RAD50: variants seen among roughly 807,000 people sequenced by gnomAD.
The protein encoded by RAD50 is DNA repair protein RAD50.
In RAD50, 132 loss-of-function variants were observed where a neutral mutation model predicts 168.8. That is an observed-to-expected ratio of 0.78 (90% CI 0.68 to 0.90). The LOEUF is 0.90. Among genes scored for constraint, RAD50 ranks in the 40% least tolerant of loss-of-function variants. The pLI, the probability that RAD50 is intolerant of heterozygous loss-of-function variation, is 0.00. For missense variants in RAD50, 1,347 were observed against 1,534.4 expected (o/e 0.88, Z 2.04); for synonymous variants, 525 against 497.4 (o/e 1.06, Z -0.74).
At position 132,643,058 on chromosome 5, in the gene RAD50, A is replaced by G. The variant is rs761117286; in HGVS notation, c.*694A>G. Reference sequence around the variant, plus strand: ...ACAGAGAGGAAATTCTCCACTGTGCACACCCACCTTTGGAAAGCTCTGACC... The same window carrying G: ...ACAGAGAGGAAATTCTCCACTGTGCGCACCCACCTTTGGAAAGCTCTGACC... On this transcript the variant is annotated 3_prime_UTR_variant, in exon 25 of 25. Transcript: ENST00000378823. 1.5e-4 allele frequency: 77 copies of G among 530,020 alleles called. No individual in the cohort carries two copies. Among genetic ancestry groups the G allele is most frequent in the African/African-American group, 1.0e-3 (53 of 52,764 alleles). 32.8% of individuals were successfully genotyped at this position (530,020 alleles called of 1,614,324 possible).
intron 5 of RAD50, among the ~76,000 whole-genome samples, chr5:132,585,728 C>G (rs1750585318): frequency 6.6e-6 from 1 of 151,760 alleles, no homozygotes; most frequent in Non-Finnish European, 1.5e-5. Flanking sequence ...CTCAGTCTCC[C>G]ACGTAGCTGG....
chr5:132,627,044 C>A (rs1022724859), intron 21 of RAD50, among the ~76,000 whole-genome samples: 1 of 152,212 alleles, frequency 6.6e-6, no homozygotes, highest in South Asian at 2.1e-4. Flanking sequence ...CCACACTGGG[C>A]TAATTTTTGT....
chr5:132,640,649 C>T (rs2149865451), intron 23 of RAD50, 23 bp from the exon 24 acceptor site: 3 of 1,614,172 alleles, frequency 1.9e-6, no homozygotes, highest in Non-Finnish European at 2.5e-6. Context: ...TGCTGGGCTT[C>T]TCACATAGGG....
At chr5:132,624,000 A>G (rs1167938775) in intron 21 of RAD50, among the ~76,000 whole-genome samples, 2 of 152,266 alleles carry the variant, frequency 1.3e-5, no homozygotes, top group African/African-American at 4.8e-5. Context: ...ATTTACTGTG[A>G]AATATTGGGA....
chr5:132,578,337 G>A (rs1478686915), intron 3 of RAD50, among the ~76,000 whole-genome samples: 1 of 151,916 alleles, frequency 6.6e-6, no homozygotes, highest in Non-Finnish European at 1.5e-5. Flanking sequence ...GTCTATTACT[G>A]AGACCTATGA....
At chr5:132,584,429 A>C (rs1360226401) in intron 5 of RAD50, among the ~76,000 whole-genome samples, 1 of 152,072 alleles carries the variant, frequency 6.6e-6, no homozygotes, top group African/African-American at 2.4e-5. Context: ...AGATGAGTTG[A>C]TTGCAAAAAT....
intron 4 of RAD50, 114 bp downstream of exon 4, chr5:132,579,616 T>TA: frequency 5.5e-6 from 6 of 1,100,606 alleles, no homozygotes; most frequent in Non-Finnish European, 8.1e-6. Context: ...CATCAGTTAC[T>TA]ACCTCTCATC....
intron 21 of RAD50, among the ~76,000 whole-genome samples, chr5:132,631,298 T>A (rs1751460975): frequency 6.6e-6 from 1 of 152,044 alleles, no homozygotes; most frequent in South Asian, 2.1e-4. Context: ...TTTTGTATTT[T>A]TAGTAGAGAT....
At chr5:132,581,363 G>T (rs1423036315) in intron 5 of RAD50, among the ~76,000 whole-genome samples, 1 of 152,062 alleles carries the variant, frequency 6.6e-6, no homozygotes, top group African/African-American at 2.4e-5. Context: ...CAAGTGATCT[G>T]CCCGCCTCGG....
At chr5:132,593,979 C>T (rs761957830) in intron 11 of RAD50, among the ~76,000 whole-genome samples, 1 of 152,084 alleles carries the variant, frequency 6.6e-6, no homozygotes, top group African/African-American at 2.4e-5. Context: ...TTTGGTGCTA[C>T]GTAGAGGTAG....
rs748086984 is a variant in RAD50 at position 132,557,455 on chromosome 5, T to A, written c.129+2T>A. ...GGACCCAATGGGGCGGGAAAGACGG[T>A]AAGTCTTCAGTAGCCGCCTTCAGTT... is the stretch of plus-strand genomic sequence containing the variant. On this transcript the variant is annotated splice_donor_variant, in intron 1 of 24. Coordinates refer to ENST00000378823, the MANE Select transcript of RAD50 (RefSeq NM_005732.4). LOFTEE classifies it high-confidence loss of function. The A allele has an allele frequency of 3.7e-6, 6 of 1,613,974 alleles. No individual in the cohort carries two copies. The highest frequency in any genetic ancestry group is 1.7e-5 in the Admixed American group (1 of 60,010).
intron 5 of RAD50, among the ~76,000 whole-genome samples, chr5:132,586,202 A>G (rs1750592325): frequency 6.6e-6 from 1 of 152,158 alleles, no homozygotes; most frequent in African/African-American, 2.4e-5. Flanking sequence ...TTACATACAA[A>G]TGTCCACTTC....
chr5:132,628,801 C>G (rs987718578), intron 21 of RAD50, among the ~76,000 whole-genome samples: 2 of 151,258 alleles, frequency 1.3e-5, no homozygotes, highest in African/African-American at 4.9e-5. Flanking sequence ...GAGCCAAGAT[C>G]GTGCCATTGT....
rs587782078 is a variant in RAD50, at chr5:132,595,045, G to A, written c.1969+1G>A. 6.2e-7 allele frequency: 1 copy of A among 1,609,122 alleles called. No homozygotes were observed. Among genetic ancestry groups the A allele is most frequent in the Non-Finnish European group, 8.5e-7 (1 of 1,175,884 alleles). On this transcript the variant is annotated splice_donor_variant, in intron 12 of 24. Coordinates refer to ENST00000378823, the MANE Select transcript of RAD50 (RefSeq NM_005732.4). LOFTEE classifies it high-confidence loss of function. ...ATTGAAAAATCATCAAAACAGCGAG[G>A]TAAGTTGTCTACTTTATATTATCAG...
intron 21 of RAD50, among the ~76,000 whole-genome samples, chr5:132,625,988 A>G (rs563882810): frequency 4.6e-5 from 7 of 151,654 alleles, no homozygotes; most frequent in African/African-American, 1.5e-4. Context: ...CCTCCACCTC[A>G]GCCTCCGAGT....
In RAD50 at chr5:132,587,930, C is replaced by A; in HGVS notation, c.892C>A (p.Gln298Lys). ...ELEEKMEKVF[Q>K]GTDEQLNDLY... ...TTATTTTGGTGTTACACAGGTTTTT[C>A]AAGGGACTGATGAGCAACTAAATGA... is the stretch of plus-strand genomic sequence containing the variant. The change falls in exon 7 of 25, where the codon CAA (glutamine) becomes AAA (lysine). Residue 298 changes from glutamine to lysine, a missense_variant. This residue lies in a region of RAD50 where 703 missense variants were observed against 767.7 expected (regional missense o/e 0.92). Transcript: ENST00000378823. 2 of 1,612,752 alleles carry A rather than the reference C, an allele frequency of 1.2e-6. No homozygotes were observed. The highest frequency in any genetic ancestry group is 1.1e-5 in the South Asian group (1 of 91,000).
Position 132,642,550 on chromosome 5 carries a change from T to A in RAD50, c.*186T>A. Reference sequence around the variant, plus strand: ...TTGTTTCACTGAAAATTGGACAGATTGCCTGTTTCTGATTTGCTGCTCTTC... The same window carrying A: ...TTGTTTCACTGAAAATTGGACAGATAGCCTGTTTCTGATTTGCTGCTCTTC... On this transcript the variant is annotated 3_prime_UTR_variant, in exon 25 of 25. Transcript: ENST00000378823. The A allele has an allele frequency of 1.6e-6, 1 of 643,596 alleles. No individual in the cohort carries two copies. Among genetic ancestry groups the A allele is most frequent in the South Asian group, 2.0e-5 (1 of 50,364 alleles). The allele number at this position is 643,596 out of a possible 1,614,324, so 39.9% of individuals were successfully genotyped here. A position where few individuals can be genotyped will look rare whatever the true frequency, so the allele number is the denominator to read the frequency against.
intron 2 of RAD50, among the ~76,000 whole-genome samples, chr5:132,568,273 C>T (rs1047037458): frequency 8.6e-5 from 13 of 151,750 alleles, no homozygotes; most frequent in Admixed American, 5.9e-4. Flanking sequence ...TTAGTAGAGA[C>T]GGGGTTTCAC....
chr5:132,602,185 G>T (rs1376015901), intron 13 of RAD50, among the ~76,000 whole-genome samples: 1 of 152,058 alleles, frequency 6.6e-6, no homozygotes, highest in Non-Finnish European at 1.5e-5. Context: ...CACAGGTCAG[G>T]TTGGCATTTC....
Sources: gnomAD v4.1 joint callset for allele counts (sites outside exome capture counted in the v4.1 genomes callset) on GRCh38, gnomAD v4.1.1 for gene constraint, gnomAD v4.1.1 regional missense constraint, MANE v1.5 for transcripts, NCBI Gene and HGNC (gene_info 2026-07-23, HGNC 2026-07-21) for gene names.